Variants in TMEM267 observed in about 807,000 individuals in gnomAD.
TMEM267 encodes transmembrane protein C5orf28.
Under a neutral mutation model 19.3 loss-of-function variants are expected in TMEM267, and 20 were observed. The observed-to-expected ratio is 1.04, with a 90% CI of 0.73 to 1.51. The LOEUF (loss-of-function observed/expected upper bound fraction) is 1.51, where lower values mean the gene tolerates loss of function less well. Among genes scored for constraint, TMEM267 ranks in the 40% most tolerant of loss-of-function variants. TMEM267 has a pLI of 0.00. For missense variants in TMEM267, 242 were observed against 261.9 expected (o/e 0.92, Z 0.52); for synonymous variants, 88 against 90.3 (o/e 0.97, Z 0.15).
Position 43,458,495 on chromosome 5 carries a change from C to G in TMEM267, c.-74-4452G>C, listed in dbSNP as rs564930731. 9.7e-4 allele frequency among the ~76,000 whole-genome samples: 147 copies of G among 152,178 alleles called. 1 individual carries two copies. In the South Asian group the frequency reaches 0.03, roughly 31 times the overall value. On this transcript the variant is annotated intron_variant, in intron 1 of 2. Coordinates refer to ENST00000397080, the MANE Select transcript of TMEM267 (RefSeq NM_022483.5). ...TAATTTATAGTGACAGAAAGCAGATCCATGGTTTCCTGAAGACAGTAGAGG... is the reference window on the plus strand; with the variant it reads ...TAATTTATAGTGACAGAAAGCAGATGCATGGTTTCCTGAAGACAGTAGAGG...
At chr5:43,453,631 C>G in intron 2 of TMEM267, 27 bp downstream of exon 2, 1 of 1,588,052 alleles carries the variant, frequency 6.3e-7, no homozygotes, top group Non-Finnish European at 8.6e-7. Context: ...AATTAAAGAT[C>G]AGAAAAATTA....
rs1283891177 is a variant in TMEM267 at position 43,445,767 on chromosome 5, C to G, written c.*455G>C. On this transcript the variant is annotated 3_prime_UTR_variant, in exon 3 of 3. Transcript: ENST00000397080. ...TATACATTTGTATAGTTAAATGATT[C>G]ATATCATTTATTTGGTGATTTCACT... is the stretch of plus-strand genomic sequence containing the variant. The G allele has an allele frequency of 6.6e-6, 1 of 152,458 alleles. No homozygotes were observed. Among genetic ancestry groups the G allele is most frequent in the East Asian group, 1.9e-4 (1 of 5,200 alleles). 9.4% of individuals were successfully genotyped at this position (152,458 alleles called of 1,614,324 possible). A position where few individuals can be genotyped will look rare whatever the true frequency, so the allele number is the denominator to read the frequency against.
At chr5:43,458,580 C>T (rs1485914821) in intron 1 of TMEM267, among the ~76,000 whole-genome samples, 4 of 152,150 alleles carry the variant, frequency 2.6e-5, no homozygotes, top group African/African-American at 9.7e-5. Context: ...TGTTCATTAT[C>T]TTGACTGTGG....
At chr5:43,463,786 G>GT (rs747267995) in intron 1 of TMEM267, among the ~76,000 whole-genome samples, 14 of 152,164 alleles carry the variant, frequency 9.2e-5, no homozygotes, top group Non-Finnish European at 2.1e-4. Context: ...AATAAATTAG[G>GT]TATCGATGGG....
intron 1 of TMEM267, among the ~76,000 whole-genome samples, chr5:43,463,475 A>G (rs936274712): frequency 3.9e-5 from 6 of 152,190 alleles, no homozygotes; most frequent in African/African-American, 1.4e-4. Flanking sequence ...AGCCTGGCAG[A>G]GACACAACCA....
chr5:43,458,714 T>C (rs2112081053), intron 1 of TMEM267, among the ~76,000 whole-genome samples: 1 of 152,284 alleles, frequency 6.6e-6, no homozygotes, highest in East Asian at 1.9e-4. Flanking sequence ...GTTAGGAAGG[T>C]ACACTTCATT....
chr5:43,453,578 G>C, intron 2 of TMEM267, 80 bp downstream of exon 2: 1 of 1,275,950 alleles, frequency 7.8e-7, no homozygotes, highest in Non-Finnish European at 1.1e-6. Flanking sequence ...ATCCTCTCTA[G>C]TTCTAAATGA....
intron 1 of TMEM267, among the ~76,000 whole-genome samples, chr5:43,464,791 A>G (rs1743533927): frequency 6.6e-6 from 1 of 152,224 alleles, no homozygotes; most frequent in Non-Finnish European, 1.5e-5. Context: ...CTTACACCTT[A>G]TAGAAAAATT....
intron 1 of TMEM267, among the ~76,000 whole-genome samples, chr5:43,459,278 T>C (rs1743120564): frequency 6.6e-6 from 1 of 152,030 alleles, no homozygotes; most frequent in African/African-American, 2.4e-5. Flanking sequence ...AAAGAAAATT[T>C]GATCAATACA....
intron 1 of TMEM267, among the ~76,000 whole-genome samples, chr5:43,470,467 T>C (rs1027003789): frequency 3.9e-5 from 6 of 152,194 alleles, no homozygotes; most frequent in African/African-American, 7.2e-5. Flanking sequence ...CACATACTGA[T>C]TGATGTCTCA....
At chr5:43,452,315 G>A (rs1169160494) in intron 2 of TMEM267, among the ~76,000 whole-genome samples, 1 of 151,900 alleles carries the variant, frequency 6.6e-6, no homozygotes, top group African/African-American at 2.4e-5. Context: ...TGGAACTGGA[G>A]GCCATTATCC....
intron 1 of TMEM267, among the ~76,000 whole-genome samples, chr5:43,472,069 G>A (rs953370421): frequency 1.3e-5 from 2 of 151,972 alleles, no homozygotes; most frequent in Non-Finnish European, 2.9e-5. Flanking sequence ...ACCAAAATAC[G>A]TAAGTGCTCA....
At chr5:43,475,339 G>C (rs1480049444) in intron 1 of TMEM267, among the ~76,000 whole-genome samples, 3 of 151,982 alleles carry the variant, frequency 2.0e-5, no homozygotes, top group Non-Finnish European at 2.9e-5. Flanking sequence ...TGGACACAGA[G>C]AGGGTACACA....
intron 2 of TMEM267, among the ~76,000 whole-genome samples, chr5:43,450,825 T>G (rs1333241062): frequency 6.6e-6 from 1 of 152,082 alleles, no homozygotes; most frequent in East Asian, 1.9e-4. Flanking sequence ...TTATTGTTTT[T>G]TTTGTTTTGT....
intron 1 of TMEM267, among the ~76,000 whole-genome samples, chr5:43,463,061 AAGAG>A (rs1355201512): frequency 6.6e-6 from 1 of 150,790 alleles, no homozygotes; most frequent in African/African-American, 2.5e-5. Flanking sequence ...TAAAGAAGAA[AAGAG>A]AGAAGAATCA....
In TMEM267 at chr5:43,446,541, G is replaced by A. The variant is rs192398187; in HGVS notation, c.329C>T (p.Pro110Leu). ...SMSLKAALTL[P>L]RRPFLHCSTV... ...AGAACAGTGAAGGAAAGGTCTTCGC[G>A]GGAGAGTCAAAGCAGCCTGAGGGAG... Residue 110 changes from proline to leucine, a missense_variant, in exon 3 of 3, where the codon CCG (proline) becomes CTG (leucine). Physicochemically the swap from Pro to Leu is moderately conservative, Grantham distance 98. Coordinates refer to ENST00000397080, the MANE Select transcript of TMEM267 (RefSeq NM_022483.5). 258 of 1,608,936 alleles carry A rather than the reference G, an allele frequency of 1.6e-4. No individual in the cohort carries two copies. Among genetic ancestry groups the A allele is most frequent in the Non-Finnish European group, 1.7e-4 (201 of 1,176,650 alleles).
intron 1 of TMEM267, among the ~76,000 whole-genome samples, chr5:43,474,041 T>C (rs1048545134): frequency 1.3e-5 from 2 of 152,132 alleles, no homozygotes; most frequent in Non-Finnish European, 2.9e-5. Flanking sequence ...ATAAATGGTG[T>C]TGGGAAAACT....
At chr5:43,464,630 A>T (rs1435257642) in intron 1 of TMEM267, among the ~76,000 whole-genome samples, 1 of 152,272 alleles carries the variant, frequency 6.6e-6, no homozygotes, top group East Asian at 1.9e-4. Flanking sequence ...GGAACAGAAC[A>T]GAGCCCTCAG....
chr5:43,475,067 C>G (rs144368703), intron 1 of TMEM267, among the ~76,000 whole-genome samples: 6 of 152,318 alleles, frequency 3.9e-5, no homozygotes, highest in African/African-American at 1.4e-4. Context: ...ACTATAAAGA[C>G]TCATGCACAC....
Sources: allele counts gnomAD v4.1 joint callset (sites outside exome capture counted in the v4.1 genomes callset), GRCh38; gene constraint gnomAD v4.1.1; transcripts MANE v1.5; gene names NCBI Gene and HGNC (gene_info 2026-07-23, HGNC 2026-07-21).